The following CHAF1A variants were observed in gnomAD, a reference collection of about 807,000 sequenced individuals.
CHAF1A encodes the protein CAF-1 subunit A.
A neutral mutation model predicts 93.2 loss-of-function variants in CHAF1A; 5 were observed. The observed-to-expected ratio is 0.05, with a 90% CI of 0.03 to 0.11. The LOEUF (loss-of-function observed/expected upper bound fraction) is 0.11. CHAF1A is among the 10% of genes least tolerant of loss of function. The pLI is 1.00. For missense variants in CHAF1A, 1,102 were observed against 1,259.9 expected, an observed-to-expected ratio of 0.87 and a Z score of 1.90; for synonymous variants, 504 against 510.3, an observed-to-expected ratio of 0.99 and a Z score of 0.17.
In CHAF1A at chr19:4,433,122, C is replaced by G; in HGVS notation, c.2256C>G (p.Val752=). ...LLHGNVNGSK[V]IIREFQEHCR... ...ACGGCAATGTGAACGGGAGCAAGGT[C>G]ATCATCCGGGAGTTCCAGGAGCACT... Residue 752 remains valine, a synonymous_variant, in exon 13 of 15, where the codon GTC becomes GTG. Transcript: ENST00000301280. This position sits in a 1 kb window ranked among gnomAD's most constrained non-coding sequence, Gnocchi z 5.6. The G allele has an allele frequency of 1.9e-6, 3 of 1,610,658 alleles. No homozygotes were observed. Among genetic ancestry groups the G allele is most frequent in the Non-Finnish European group, 1.7e-6 (2 of 1,177,384 alleles).
At chr19:4,441,446 A>G (rs371750798) in intron 13 of CHAF1A, among the ~76,000 whole-genome samples, 87 of 152,168 alleles carry the variant, frequency 5.7e-4, no homozygotes, top group African/African-American at 1.4e-3. Context: ...CGTCTCTACT[A>G]AAAATACAAA....
At position 4,422,608 on chromosome 19, in the gene CHAF1A, A is replaced by C; in HGVS notation, c.1060A>C (p.Arg354=). ...CAAGCAGCTCAAGTTACGTGCAGAA[A>C]GGGAAGAAAAGGAGAAGCTGAAAGA... is the stretch of plus-strand genomic sequence containing the variant. ...LGKQLKLRAE[R]EEKEKLKEEA... is the part of the protein sequence containing the mutation. Residue 354 remains arginine (R), a synonymous_variant, in exon 5 of 15, where the codon AGG becomes CGG. Transcript: ENST00000301280. The surrounding 1 kb of genome is among the most constrained non-coding windows in gnomAD (Gnocchi z 4.6). 6.3e-7 allele frequency: 1 copy of C among 1,583,734 alleles called. No individual in the cohort carries two copies. The highest frequency in any genetic ancestry group is 8.6e-7 in the Non-Finnish European group (1 of 1,165,008).
At chr19:4,438,724 C>T (rs959985583) in intron 13 of CHAF1A, among the ~76,000 whole-genome samples, 3 of 152,112 alleles carry the variant, frequency 2.0e-5, no homozygotes, top group Non-Finnish European at 4.4e-5. Flanking sequence ...TGGCTCATGC[C>T]TGTAATCCCA....
chr19:4,411,474 C>T (rs371363001), intron 3 of CHAF1A, among the ~76,000 whole-genome samples: 1 of 152,082 alleles, frequency 6.6e-6, no homozygotes, highest in African/African-American at 2.4e-5. Context: ...AGGTAATCCA[C>T]CCGCCTTGGC....
chr19:4,402,662 G>GGCGGCCGCGGCGGCAGCA lies in CHAF1A; in HGVS notation c.-96_-95insCGCGGCGGCAGCAGCGGC, dbSNP rs1555746373. 6 of 684,304 alleles carry GGCGGCCGCGGCGGCAGCA rather than the reference G, an allele frequency of 8.8e-6. No homozygotes were observed. The highest frequency in any genetic ancestry group is 9.9e-6 in the Non-Finnish European group (5 of 504,342). The allele number at this position is 684,304 out of a possible 1,614,324, so 42.4% of individuals were successfully genotyped here. ...CGCCAAATACGAGCGCGGCGGCCGC[G>GGCGGCCGCGGCGGCAGCA]GCGGCAGCAGCGGCGCGGGCGGGAG... On this transcript the variant is annotated 5_prime_UTR_variant, in exon 1 of 15. Transcript: ENST00000301280.
At position 4,422,682 on chromosome 19, in the gene CHAF1A, G is replaced by A. The variant is rs1169659020; in HGVS notation, c.1134G>A (p.Glu378=). 6.2e-7 allele frequency: 1 copy of A among 1,611,902 alleles called. No homozygotes were observed. Among genetic ancestry groups the A allele is most frequent in the Admixed American group, 1.7e-5 (1 of 59,596 alleles). Residue 378 remains glutamate (E), a synonymous_variant, in exon 5 of 15, where the codon GAG becomes GAA. Coordinates refer to ENST00000301280, the MANE Select transcript of CHAF1A (RefSeq NM_005483.3). The surrounding 1 kb of genome is among the most constrained non-coding windows in gnomAD (Gnocchi z 4.6). The stretch of plus-strand genomic sequence containing the variant: ...AGGCCAAGAAGAAGAAGGAGGAAGA[G>A]AAGGAGCTTAAGGAAAAGGAGAGGC... The part of the protein sequence containing the change: ...KEEAKKKKEE[E]KELKEKERRE...
intron 13 of CHAF1A, among the ~76,000 whole-genome samples, chr19:4,435,077 CTTTTTTT>C: frequency 8.2e-6 from 1 of 122,262 alleles, no homozygotes; most frequent in South Asian, 2.6e-4. Context: ...TCTCTTTTTT[CTTTTTTT>C]TCCTTTTTTT....
chr19:4,447,445 A>T, downstream of CHAF1A: 1 of 1,253,812 alleles, frequency 8.0e-7, no homozygotes, highest in Non-Finnish European at 1.2e-6. Flanking sequence ...AACTCTCGCT[A>T]GCTCCTCCAG....
At chr19:4,447,978 C>A (rs949646646), downstream of CHAF1A, 3 of 501,362 alleles carry the variant, frequency 6.0e-6, no homozygotes, top group African/African-American at 3.9e-5. Context: ...GGTGCTCCCT[C>A]GGCGTTGGCG....
chr19:4,432,558 C>T (rs1974204360), intron 12 of CHAF1A, among the ~76,000 whole-genome samples: 1 of 151,934 alleles, frequency 6.6e-6, no homozygotes, highest in Non-Finnish European at 1.5e-5. Flanking sequence ...CCTAGTGCTT[C>T]GACACCAGCC....
At chr19:4,437,471 C>G (rs879245079) in intron 13 of CHAF1A, among the ~76,000 whole-genome samples, 4 of 152,170 alleles carry the variant, frequency 2.6e-5, no homozygotes, top group Non-Finnish European at 4.4e-5. Flanking sequence ...GCCTCAGCTT[C>G]CTAAGGAGCT....
intron 3 of CHAF1A, among the ~76,000 whole-genome samples, chr19:4,411,939 G>A (rs927577727): frequency 4.6e-5 from 7 of 152,062 alleles, no homozygotes; most frequent in East Asian, 3.9e-4. Flanking sequence ...ATGAGCCACC[G>A]CCCCAGTCTT....
intron 8 of CHAF1A, 90 bp downstream of exon 8, chr19:4,428,980 G>A (rs1974133050): frequency 1.9e-6 from 2 of 1,069,700 alleles, no homozygotes; most frequent in East Asian, 2.6e-5. Context: ...GGAGCTCTGG[G>A]TCCTTCTGTT....
downstream of CHAF1A, chr19:4,446,659 TC>T: frequency 6.2e-7 from 1 of 1,612,296 alleles, no homozygotes; most frequent in African/African-American, 1.3e-5. Flanking sequence ...CTTGTGCCTC[TC>T]CAGGCTCTGG....
In CHAF1A at chr19:4,422,399, T is replaced by C. The variant is rs1006551753; in HGVS notation, c.1018-167T>C. 1.3e-5 allele frequency among the ~76,000 whole-genome samples: 2 copies of C among 151,832 alleles called. No individual in the cohort carries two copies. Among genetic ancestry groups the C allele is most frequent in the Non-Finnish European group, 2.9e-5 (2 of 68,018 alleles). ...CCTGACCTCAGGTGATCTACCCACC[T>C]CAGCCTCCCAAAGTGCTGGAATTAC... On this transcript the variant is annotated intron_variant, in intron 4 of 14. Transcript: ENST00000301280. This position sits in a 1 kb window ranked among gnomAD's most constrained non-coding sequence, Gnocchi z 4.6.
Position 4,433,159 on chromosome 19 carries a change from C to T in CHAF1A, c.2293C>T (p.Leu765=). 1 of 1,613,724 alleles carries T rather than the reference C, an allele frequency of 6.2e-7. No homozygotes were observed. Among genetic ancestry groups the T allele is most frequent in the Non-Finnish European group, 8.5e-7 (1 of 1,179,716 alleles). ...REFQEHCRRG[L]LSNHTGSPRS... Reference sequence around the variant, plus strand: ...GTTCCAGGAGCACTGCCGCCGGGGACTGCTCAGCAACCACACCGGCAGCCC... The same window carrying T: ...GTTCCAGGAGCACTGCCGCCGGGGATTGCTCAGCAACCACACCGGCAGCCC... The change falls in exon 13 of 15, where the codon CTG becomes TTG. Residue 765 remains leucine (L), a synonymous_variant. Transcript: ENST00000301280. This position sits in a 1 kb window ranked among gnomAD's most constrained non-coding sequence, Gnocchi z 5.6.
downstream of CHAF1A, chr19:4,448,017 G>C (rs545531999): frequency 1.9e-6 from 1 of 525,892 alleles, no homozygotes; most frequent in Non-Finnish European, 3.4e-6. Context: ...GCCTGCCCCC[G>C]ATCCTGAGAC....
chr19:4,446,011 G>T (rs1400076330), downstream of CHAF1A: 1 of 1,571,544 alleles, frequency 6.4e-7, no homozygotes, highest in East Asian at 2.3e-5. Flanking sequence ...ACCTGCAGAG[G>T]CATCGGGTCA....
At chr19:4,439,475 G>A (rs956120354) in intron 13 of CHAF1A, among the ~76,000 whole-genome samples, 3 of 152,162 alleles carry the variant, frequency 2.0e-5, no homozygotes, top group African/African-American at 7.2e-5. Context: ...AGCACAGTGG[G>A]ACTCGGTGTT....
Sources: gnomAD v4.1 joint callset for allele counts (sites outside exome capture counted in the v4.1 genomes callset) on GRCh38, gnomAD v4.1.1 for gene constraint, Gnocchi (gnomAD v3.1) non-coding constraint, MANE v1.5 for transcripts, NCBI Gene and HGNC (gene_info 2026-07-23, HGNC 2026-07-21) for gene names.